The following YEATS2 variants were observed in gnomAD, a reference collection of about 807,000 sequenced individuals.
YEATS2 encodes YEATS domain containing 2, also known as YEATS domain-containing protein 2.
Under a neutral mutation model 163.2 loss-of-function variants are expected in YEATS2, and 77 were observed. The ratio of observed to expected loss-of-function variants is 0.47; its 90% confidence interval spans 0.39 to 0.57. The LOEUF (loss-of-function observed/expected upper bound fraction) is 0.57, where lower values mean the gene tolerates loss of function less well. Ranked by LOEUF, YEATS2 falls within the 20% of genes least tolerant of loss-of-function variation. The pLI, the probability that YEATS2 is intolerant of heterozygous loss-of-function variation, is 0.00. For missense variants in YEATS2, 1,549 were observed against 1,729.8 expected, an observed-to-expected ratio of 0.90 and a Z score of 1.85; for synonymous variants, 631 against 645.1, an observed-to-expected ratio of 0.98 and a Z score of 0.33.
intron 8 of YEATS2, among the ~76,000 whole-genome samples, chr3:183,745,301 G>A (rs912106761): frequency 2.6e-5 from 4 of 152,144 alleles, no homozygotes; most frequent in Admixed American, 6.5e-5. Flanking sequence ...CAGAAAACTT[G>A]GTTGAATTCC....
In YEATS2 at chr3:183,801,453, A is replaced by G; in HGVS notation, c.3429-2A>G. 6.2e-7 allele frequency: 1 copy of G among 1,605,052 alleles called. No homozygotes were observed. The highest frequency in any genetic ancestry group is 8.5e-7 in the Non-Finnish European group (1 of 1,175,924). ...GCCTTAATTTTTTTTTATCTCTCTC[A>G]GGATAGACCATTTAGAAACTATCCA... On this transcript the variant is annotated splice_acceptor_variant, in intron 24 of 30. Transcript: ENST00000305135. LOFTEE classifies it high-confidence loss of function.
intron 1 of YEATS2, among the ~76,000 whole-genome samples, chr3:183,704,455 G>C (rs1470299942): frequency 6.6e-6 from 1 of 151,974 alleles, no homozygotes; most frequent in Non-Finnish European, 1.5e-5. Context: ...TAAATAGTCT[G>C]TTACTTTAGT....
chr3:183,766,582 G>A (rs941615243), intron 15 of YEATS2, among the ~76,000 whole-genome samples: 2 of 152,318 alleles, frequency 1.3e-5, no homozygotes, highest in East Asian at 3.9e-4. Context: ...GCTTTCTCAA[G>A]CTAGCAGGAA....
intron 21 of YEATS2, among the ~76,000 whole-genome samples, chr3:183,795,604 C>A (rs1725073473): frequency 6.6e-6 from 1 of 151,704 alleles, no homozygotes; most frequent in Non-Finnish European, 1.5e-5. Context: ...CTTGGCCCTA[C>A]ACATTCTTTT....
intron 11 of YEATS2, among the ~76,000 whole-genome samples, chr3:183,755,790 G>A (rs1212879080): frequency 1.5e-5 from 1 of 65,806 alleles, no homozygotes; most frequent in Admixed American, 2.3e-4. Flanking sequence ...TTTTGCTCTT[G>A]TTGCCCAGGC....
intron 15 of YEATS2, among the ~76,000 whole-genome samples, chr3:183,771,812 C>T (rs1387018001): frequency 6.6e-6 from 1 of 150,548 alleles, no homozygotes; most frequent in Non-Finnish European, 1.5e-5. Context: ...CTGCAACCTC[C>T]ACATCCTAGG....
intron 7 of YEATS2, 144 bp from the exon 8 acceptor site, chr3:183,736,574 C>T: frequency 1.7e-6 from 1 of 581,186 alleles, no homozygotes. Context: ...CAAAATTCGG[C>T]ATGTTGATTT....
rs755484052 is a variant in YEATS2 at position 183,810,547 on chromosome 3, A to G, written c.4233A>G (p.Thr1411=). The G allele has an allele frequency of 2.5e-6, 4 of 1,614,186 alleles. No individual in the cohort carries two copies. Among genetic ancestry groups the G allele is most frequent in the Non-Finnish European group, 3.4e-6 (4 of 1,180,006 alleles). The change falls in exon 31 of 31, where the codon ACA becomes ACG. Residue 1411 remains threonine, a synonymous_variant. Coordinates refer to ENST00000305135, the MANE Select transcript of YEATS2 (RefSeq NM_018023.5). ...ICNIPFLDFL[T]NKHMGILNED... ...ACATTCCTTTTCTGGACTTCCTCAC[A>G]AACAAACACATGGGAATATTGAATG...
Position 183,726,146 on chromosome 3 carries a change from G to A in YEATS2, c.650+1615G>A, listed in dbSNP as rs149387948. On this transcript the variant is annotated intron_variant, in intron 6 of 30. Transcript: ENST00000305135. ...AAGGTCCAGAGATTGGAGTCTCTGC[G>A]TTAGTGTGTCTGTCAGTCTTTCCCT... 5.9e-3 allele frequency among the ~76,000 whole-genome samples: 896 copies of A among 151,868 alleles called. 6 individuals carry two copies. Among genetic ancestry groups the A allele is most frequent in the African/African-American group, 0.021 (851 of 41,226 alleles).
intron 20 of YEATS2, among the ~76,000 whole-genome samples, chr3:183,790,591 T>A (rs1349059747): frequency 2.6e-5 from 4 of 152,246 alleles, no homozygotes; most frequent in South Asian, 4.1e-4. Flanking sequence ...TTAAATTTTT[T>A]AAATTTTCTT....
chr3:183,796,042 G>A (rs1487192390), intron 21 of YEATS2, among the ~76,000 whole-genome samples: 1 of 148,618 alleles, frequency 6.7e-6, no homozygotes, highest in African/African-American at 2.5e-5. Context: ...GAGTGCAATG[G>A]CGTGATCTCG....
rs1185202392 is a variant in YEATS2, at chr3:183,715,202, G to T, written c.40G>T (p.Asp14Tyr). The T allele has an allele frequency of 6.2e-7, 1 of 1,613,582 alleles. No homozygotes were observed. Among genetic ancestry groups the T allele is most frequent in the Non-Finnish European group, 8.5e-7 (1 of 1,179,792 alleles). Residue 14 changes from aspartate (D) to tyrosine (Y), a missense_variant, in exon 2 of 31, where the codon GAT becomes TAT. Asp to Tyr is a radical substitution (Grantham distance 160, BLOSUM62 -3). Coordinates refer to ENST00000305135, the MANE Select transcript of YEATS2 (RefSeq NM_018023.5). Reference sequence around the variant, plus strand: ...GCGAACCATCAAAGAAACCGACCCTGATTACGAGGATGTATCTGTGGCCCT... The same window carrying T: ...GCGAACCATCAAAGAAACCGACCCTTATTACGAGGATGTATCTGTGGCCCT... ...IKRTIKETDP[D>Y]YEDVSVALPN... is the part of the protein sequence containing the mutation.
At chr3:183,708,794 T>A (rs1714883990) in intron 1 of YEATS2, among the ~76,000 whole-genome samples, 2 of 152,172 alleles carry the variant, frequency 1.3e-5, no homozygotes, top group African/African-American at 4.8e-5. Flanking sequence ...AGCCCAGGAT[T>A]CCAAGGTTGC....
At chr3:183,729,287 G>A (rs865881831) in intron 7 of YEATS2, among the ~76,000 whole-genome samples, 23 of 149,714 alleles carry the variant, frequency 1.5e-4, no homozygotes, top group African/African-American at 5.2e-4. Context: ...AAAAAAAAAA[G>A]GTAGTTGTAG....
chr3:183,732,838 C>T (rs1717947791), intron 7 of YEATS2, among the ~76,000 whole-genome samples: 1 of 152,146 alleles, frequency 6.6e-6, no homozygotes, highest in East Asian at 1.9e-4. Flanking sequence ...GGATTACAGG[C>T]GTGAGCCACT....
rs1720213892 is a variant in YEATS2, at chr3:183,751,993, A to T, written c.970-80A>T. On this transcript the variant is annotated intron_variant, in intron 9 of 30. Transcript: ENST00000305135. Reference sequence around the variant, plus strand: ...AGAAGTTATCTCTCACATCCCGGAGATTACATTCTTGGACGGGACTTGAGC... The same window carrying T: ...AGAAGTTATCTCTCACATCCCGGAGTTTACATTCTTGGACGGGACTTGAGC... 15 of 1,494,720 alleles carry T rather than the reference A, an allele frequency of 1.0e-5. No homozygotes were observed. The South Asian group carries it at 1.7e-4, about 17-fold the overall frequency. 92.6% of individuals were successfully genotyped at this position (1,494,720 alleles called of 1,614,324 possible).
chr3:183,732,664 G>A (rs1298590625), intron 7 of YEATS2, among the ~76,000 whole-genome samples: 7 of 151,378 alleles, frequency 4.6e-5, no homozygotes, highest in South Asian at 2.1e-4. Context: ...GGTTCACGCC[G>A]TTCTCCTGCC....
chr3:183,781,034 A>G (rs1723511807), intron 19 of YEATS2, among the ~76,000 whole-genome samples: 1 of 152,218 alleles, frequency 6.6e-6, no homozygotes, highest in African/African-American at 2.4e-5. Flanking sequence ...AAAAAAATCC[A>G]AATAAATTAC....
chr3:183,793,124 C>T (rs1227506301), intron 21 of YEATS2: 1 of 1,285,704 alleles, frequency 7.8e-7, no homozygotes, highest in South Asian at 1.2e-5. Context: ...AGATTGATAC[C>T]AGCCAGCATA....
Sources: gnomAD v4.1 joint callset for allele counts (sites outside exome capture counted in the v4.1 genomes callset) on GRCh38, gnomAD v4.1.1 for gene constraint, MANE v1.5 for transcripts, NCBI Gene and HGNC (gene_info 2026-07-23, HGNC 2026-07-21) for gene names.